Variants in DHX34 observed in about 807,000 individuals in gnomAD.
DHX34 encodes the protein DExH-box helicase 34.
A neutral mutation model predicts 111.1 loss-of-function variants in DHX34; 96 were observed. That is an observed-to-expected ratio of 0.86 (90% CI 0.73 to 1.02). The LOEUF is 1.02. DHX34 is among the 50% of genes least tolerant of loss of function. The pLI, the probability that DHX34 is intolerant of heterozygous loss-of-function variation, is 0.00. For synonymous variants in DHX34, 688 were observed against 670.4 expected, an observed-to-expected ratio of 1.03 and a Z score of -0.41; for missense variants, 1,560 against 1,579.9, an observed-to-expected ratio of 0.99 and a Z score of 0.21.
intron 6 of DHX34, among the ~76,000 whole-genome samples, chr19:47,363,112 A>C (rs1969685254): frequency 6.6e-6 from 1 of 151,844 alleles, no homozygotes; most frequent in Admixed American, 6.6e-5. Context: ...CACCAAGCCC[A>C]GTTAATTTTT....
At chr19:47,352,485 G>T (rs1287977031) in intron 1 of DHX34, among the ~76,000 whole-genome samples, 1 of 152,094 alleles carries the variant, frequency 6.6e-6, no homozygotes, top group Admixed American at 6.6e-5. Flanking sequence ...ATATCAACCT[G>T]GGCAACATAG....
intron 1 of DHX34, among the ~76,000 whole-genome samples, chr19:47,351,060 A>C (rs1969268609): frequency 6.6e-6 from 1 of 152,106 alleles, no homozygotes; most frequent in Non-Finnish European, 1.5e-5. Context: ...AGATGCAGAC[A>C]ATCTAGAAGC....
chr19:47,352,193 C>T (rs1461804378), intron 1 of DHX34, among the ~76,000 whole-genome samples: 2 of 152,168 alleles, frequency 1.3e-5, no homozygotes, highest in African/African-American at 4.8e-5. Context: ...GGAGGAGGAA[C>T]CTCCTTTGGT....
intron 4 of DHX34, 28 bp from the exon 5 acceptor site, chr19:47,359,940 C>T: frequency 6.2e-7 from 1 of 1,613,896 alleles, no homozygotes; most frequent in Non-Finnish European, 8.5e-7. Flanking sequence ...GAGTTAGTTC[C>T]TGACACCACC....
Position 47,353,523 on chromosome 19 carries a change from G to T in DHX34, c.493G>T (p.Ala165Ser), listed in dbSNP as rs1053244982. Residue 165 changes from alanine to serine, a missense_variant, in exon 2 of 17, where the codon GCC (alanine) becomes TCC (serine). Coordinates refer to ENST00000328771, the MANE Select transcript of DHX34 (RefSeq NM_014681.6). This position sits in a 1 kb window ranked among gnomAD's most constrained non-coding sequence, Gnocchi z 4.6. ...LQRERAALPI[A>S]QYGNRILQTL... ...GCGTGAGCGGGCAGCCCTCCCCATC[G>T]CCCAGTATGGGAACCGCATCCTGCA... 6 of 1,613,610 alleles carry T rather than the reference G, an allele frequency of 3.7e-6. No homozygotes were observed. The highest frequency in any genetic ancestry group is 3.3e-4 in the Middle Eastern group (2 of 6,060).
Position 47,382,702 on chromosome 19 carries a change from G to A in DHX34, c.*589G>A, listed in dbSNP as rs868371009. ...AAAAAATAAAAGAACAGGCTGAGCC[G>A]GGCATGGTTGCTCACTCCCGTAATC... On this transcript the variant is annotated 3_prime_UTR_variant, in exon 17 of 17. Coordinates refer to ENST00000328771, the MANE Select transcript of DHX34 (RefSeq NM_014681.6). 5 of 152,626 alleles carry A rather than the reference G, an allele frequency of 3.3e-5. No individual in the cohort carries two copies. The highest frequency in any genetic ancestry group is 3.9e-4 in the South Asian group (2 of 5,124). 9.5% of individuals were successfully genotyped at this position (152,626 alleles called of 1,614,324 possible). A position where few individuals can be genotyped will look rare whatever the true frequency, so the allele number is the denominator to read the frequency against.
In DHX34 at chr19:47,355,313, C is replaced by T. The variant is rs1170484982; in HGVS notation, c.980C>T (p.Pro327Leu). 6.2e-7 allele frequency: 1 copy of T among 1,614,108 alleles called. No homozygotes were observed. The change falls in exon 3 of 17, where the codon CCT (proline) becomes CTT (leucine). Residue 327 changes from proline to leucine, a missense_variant. Pro to Leu is a moderately conservative substitution (Grantham distance 98). Coordinates refer to ENST00000328771, the MANE Select transcript of DHX34 (RefSeq NM_014681.6). ...TTCTCCAGCTATTTCAGCAATGCCC[C>T]TGTGGTACAGGTGCCTGGGAGGCTG... ...SLFSSYFSNA[P>L]VVQVPGRLFP...
intron 6 of DHX34, among the ~76,000 whole-genome samples, chr19:47,363,318 T>C (rs1969692102): frequency 6.6e-6 from 1 of 150,818 alleles, no homozygotes; most frequent in Admixed American, 6.6e-5. Context: ...CTCAAACTCC[T>C]GAGCTCAAGT....
chr19:47,363,099 C>T (rs143464341), intron 6 of DHX34, among the ~76,000 whole-genome samples: 1 of 152,122 alleles, frequency 6.6e-6, no homozygotes, highest in Non-Finnish European at 1.5e-5. Context: ...TACAGGTGTG[C>T]ACCACCAAGC....
chr19:47,363,817 CAA>C (rs34357751), intron 6 of DHX34, among the ~76,000 whole-genome samples: 2,091 of 76,206 alleles, frequency 0.027, 54 homozygotes, highest in African/African-American at 0.08. Flanking sequence ...GACTCCATCT[CAA>C]AAAAAAAAAA....
At chr19:47,379,087 C>G (rs1254302249) in intron 13 of DHX34, among the ~76,000 whole-genome samples, 1 of 150,864 alleles carries the variant, frequency 6.6e-6, no homozygotes, top group Non-Finnish European at 1.5e-5. Context: ...CAAGATTGCG[C>G]CATTGCATTC....
In DHX34 at chr19:47,353,857, C is replaced by G. The variant is rs573964708; in HGVS notation, c.705+122C>G. ...ACCCTTGGACCCAGCGATGATTCTTCTAGAACTTTATCCACAGAGTGGCTT... is the reference window on the plus strand; with the variant it reads ...ACCCTTGGACCCAGCGATGATTCTTGTAGAACTTTATCCACAGAGTGGCTT... On this transcript the variant is annotated intron_variant, in intron 2 of 16. Coordinates refer to ENST00000328771, the MANE Select transcript of DHX34 (RefSeq NM_014681.6). This position sits in a 1 kb window ranked among gnomAD's most constrained non-coding sequence, Gnocchi z 4.6. 3 of 976,542 alleles carry G rather than the reference C, an allele frequency of 3.1e-6. No homozygotes were observed. The highest frequency in any genetic ancestry group is 3.3e-5 in the African/African-American group (2 of 60,796). The allele number at this position is 976,542 out of a possible 1,614,324, so 60.5% of individuals were successfully genotyped here.
chr19:47,357,277 A>G (rs1969485526), intron 3 of DHX34, among the ~76,000 whole-genome samples: 2 of 152,314 alleles, frequency 1.3e-5, no homozygotes, highest in South Asian at 4.1e-4. Flanking sequence ...CATTGTAAGT[A>G]TATAGCTTAA....
rs1267548653 is a variant in DHX34, at chr19:47,377,083, C to A, written c.2600-17C>A. ...GTGGGCCAGGGTGGGCCTGAGCGGT[C>A]CTCCTCAACCTTTCAGACGACAAGG... is the stretch of plus-strand genomic sequence containing the variant. On this transcript the variant is annotated splice_polypyrimidine_tract_variant and intron_variant, in intron 12 of 16. Coordinates refer to ENST00000328771, the MANE Select transcript of DHX34 (RefSeq NM_014681.6). 6.2e-7 allele frequency: 1 copy of A among 1,613,706 alleles called. No individual in the cohort carries two copies.
At chr19:47,365,081 A>G (rs1047232633) in intron 6 of DHX34, among the ~76,000 whole-genome samples, 1 of 151,886 alleles carries the variant, frequency 6.6e-6, no homozygotes, top group Non-Finnish European at 1.5e-5. Flanking sequence ...TGTTCACCCT[A>G]TGCCCCGCAA....
Position 47,352,758 on chromosome 19 carries a change from C to A in DHX34, c.-273C>A. 1 of 488,006 alleles carries A rather than the reference C, an allele frequency of 2.0e-6. No homozygotes were observed. Among genetic ancestry groups the A allele is most frequent in the Non-Finnish European group, 3.6e-6 (1 of 281,520 alleles). The allele number at this position is 488,006 out of a possible 1,614,324, so 30.2% of individuals were successfully genotyped here. A position where few individuals can be genotyped will look rare whatever the true frequency, so the allele number is the denominator to read the frequency against. On this transcript the variant is annotated 5_prime_UTR_variant, in exon 2 of 17. Transcript: ENST00000328771. ...TCTTCTGTTCTCTCTCTTAAGAATC[C>A]AGGGCCTGAAAACCCAGAATGAACT...
rs1220312878 is a variant in DHX34 at position 47,352,892 on chromosome 19, A to G, written c.-139A>G. ...TCTGTGGTGGTCCTGTGCCGTGACC[A>G]GGAGGAAAAATTAGCTCTTTGAAGA... On this transcript the variant is annotated 5_prime_UTR_variant, in exon 2 of 17. Transcript: ENST00000328771. 26 of 1,442,622 alleles carry G rather than the reference A, an allele frequency of 1.8e-5. No homozygotes were observed. The highest frequency in any genetic ancestry group is 4.5e-5 in the South Asian group (3 of 66,232). 89.4% of individuals were successfully genotyped at this position (1,442,622 alleles called of 1,614,324 possible).
intron 2 of DHX34, among the ~76,000 whole-genome samples, chr19:47,354,224 A>G (rs1969381643): frequency 1.3e-5 from 2 of 152,096 alleles, no homozygotes; most frequent in Non-Finnish European, 2.9e-5. Context: ...CGGCCTCCCA[A>G]AGTTTTGGGA....
At chr19:47,351,160 A>G (rs995933231) in intron 1 of DHX34, among the ~76,000 whole-genome samples, 2 of 129,480 alleles carry the variant, frequency 1.5e-5, no homozygotes, top group African/African-American at 2.9e-5. Flanking sequence ...GAATGCTCTC[A>G]TTTTCTTTTT....
Sources: gnomAD v4.1 joint callset for allele counts (sites outside exome capture counted in the v4.1 genomes callset) on GRCh38, gnomAD v4.1.1 for gene constraint, Gnocchi (gnomAD v3.1) non-coding constraint, MANE v1.5 for transcripts, NCBI Gene and HGNC (gene_info 2026-07-23, HGNC 2026-07-21) for gene names.